SEC24D: variants seen among roughly 807,000 people sequenced by gnomAD.
SEC24D encodes SEC24 homolog D, COPII component, also known as protein transport protein Sec24D.
SEC24D carries 69 observed loss-of-function variants against 116.9 expected under a neutral mutation model. The observed-to-expected ratio is 0.59, with a 90% CI of 0.49 to 0.72. SEC24D has a LOEUF of 0.72. Among genes scored for constraint, SEC24D ranks in the 30% least tolerant of loss-of-function variants. SEC24D has a pLI of 0.00. For missense variants in SEC24D, 1,131 were observed against 1,264.1 expected (o/e 0.89, Z 1.60); for synonymous variants, 405 against 442.8 (o/e 0.91, Z 1.07).
chr4:118,806,523 T>G lies in SEC24D; in HGVS notation c.802-569A>C, dbSNP rs1729686775. On this transcript the variant is annotated intron_variant, in intron 6 of 22. Coordinates refer to ENST00000280551, the MANE Select transcript of SEC24D (RefSeq NM_014822.4). Reference sequence around the variant, plus strand: ...TTCATCTTTTTGTAGAGACAGGGTCTCCTCTCCCTATGTTGCCCAGGCTGG... The same window carrying G: ...TTCATCTTTTTGTAGAGACAGGGTCGCCTCTCCCTATGTTGCCCAGGCTGG... 2.6e-5 allele frequency among the ~76,000 whole-genome samples: 4 copies of G among 151,952 alleles called. No homozygotes were observed. The South Asian group carries it at 8.3e-4, about 32-fold the overall frequency.
In SEC24D at chr4:118,744,000, G is replaced by C; in HGVS notation, c.1983C>G (p.Tyr661Ter). 6.3e-7 allele frequency: 1 copy of C among 1,597,000 alleles called. No individual in the cohort carries two copies. Among genetic ancestry groups the C allele is most frequent in the African/African-American group, 1.3e-5 (1 of 74,100 alleles). Residue 661 changes from tyrosine to a stop codon, truncating the protein, a stop_gained, in exon 15 of 23, where the codon TAC becomes TAG. Transcript: ENST00000280551. LOFTEE classifies it high-confidence loss of function. ...TGCTGGCATTTACCTGGAAATTGTT[G>C]TATTTGTAAAGGGTTCCTCCAGTGA... ...PQLTGGTLYK[Y>*]NNFQMHLDRQ...
intron 10 of SEC24D, among the ~76,000 whole-genome samples, chr4:118,761,443 A>G (rs1727374209): frequency 6.6e-6 from 1 of 152,212 alleles, no homozygotes; most frequent in East Asian, 1.9e-4. Flanking sequence ...ACAATGCTGG[A>G]CCCAGGGGAA....
At chr4:118,814,888 A>C in intron 6 of SEC24D, 140 bp downstream of exon 6, 1 of 908,904 alleles carries the variant, frequency 1.1e-6, no homozygotes, top group Non-Finnish European at 1.7e-6. Context: ...CATATAAGGA[A>C]GGAAGCCTTC....
chr4:118,740,642 T>C, intron 17 of SEC24D, 21 bp downstream of exon 17: 1 of 1,611,780 alleles, frequency 6.2e-7, no homozygotes, highest in Non-Finnish European at 8.5e-7. Flanking sequence ...TAACGAAAGG[T>C]GGGAATACAC....
chr4:118,764,703 G>A (rs907885024), intron 10 of SEC24D, 99 bp downstream of exon 10: 2 of 686,122 alleles, frequency 2.9e-6, no homozygotes, highest in South Asian at 2.1e-5. Flanking sequence ...CCACCAAAAT[G>A]CTTTGTTTGT....
intron 10 of SEC24D, among the ~76,000 whole-genome samples, chr4:118,761,962 G>GT (rs1264596700): frequency 6.6e-6 from 1 of 152,124 alleles, no homozygotes; most frequent in Non-Finnish European, 1.5e-5. Flanking sequence ...TCTATACATT[G>GT]TAAGTACCTT....
At chr4:118,751,061 TAATTTA>T (rs1358135324) in intron 13 of SEC24D, among the ~76,000 whole-genome samples, 4 of 152,070 alleles carry the variant, frequency 2.6e-5, no homozygotes, top group Non-Finnish European at 5.9e-5. Context: ...TGTTAAAAGT[TAATTTA>T]AATTTAACTT....
intron 8 of SEC24D, among the ~76,000 whole-genome samples, chr4:118,772,302 C>T (rs1727938664): frequency 6.6e-6 from 1 of 152,078 alleles, no homozygotes; most frequent in South Asian, 2.1e-4. Context: ...CTGTATATAC[C>T]TTACCAGCAG....
At chr4:118,817,770 G>A (rs527498776) in intron 3 of SEC24D, among the ~76,000 whole-genome samples, 46 of 152,272 alleles carry the variant, frequency 3.0e-4, no homozygotes, top group Admixed American at 3.3e-4. Flanking sequence ...CAGGAGCAGC[G>A]GCTCATGCCT....
intron 8 of SEC24D, among the ~76,000 whole-genome samples, chr4:118,791,306 C>T (rs1279592225): frequency 6.6e-6 from 1 of 151,928 alleles, no homozygotes; most frequent in Non-Finnish European, 1.5e-5. Context: ...AATGTAAAAA[C>T]GAATGAATGA....
intron 2 of SEC24D, among the ~76,000 whole-genome samples, chr4:118,829,860 A>G (rs528329809): frequency 7.9e-4 from 120 of 152,338 alleles, no homozygotes; most frequent in Non-Finnish European, 1.5e-3. Flanking sequence ...CAAAAACACA[A>G]TGAATAAGCA....
chr4:118,799,567 A>G (rs1003113328), intron 7 of SEC24D, among the ~76,000 whole-genome samples: 2 of 152,228 alleles, frequency 1.3e-5, no homozygotes, highest in Non-Finnish European at 2.9e-5. Context: ...ATTATGGCCA[A>G]AGAAGAGAAG....
chr4:118,751,904 CTG>C, intron 13 of SEC24D, 90 bp downstream of exon 13: 2 of 895,194 alleles, frequency 2.2e-6, no homozygotes, highest in Non-Finnish European at 3.6e-6. Context: ...TTAATGAAGA[CTG>C]TCTTTTCTTT....
At chr4:118,736,572 G>A (rs1725970262) in intron 19 of SEC24D, 1 of 334,688 alleles carries the variant, frequency 3.0e-6, no homozygotes, top group Non-Finnish European at 5.8e-6. Context: ...CAAGTGAACT[G>A]TAGGAAAGTA....
rs541858322 is a variant in SEC24D, at chr4:118,826,675, TA to T, written c.119-1927del. On this transcript the variant is annotated intron_variant, in intron 2 of 22. Coordinates refer to ENST00000280551, the MANE Select transcript of SEC24D (RefSeq NM_014822.4). ...CAGCTCTCCAAAAATATTCCCCCTT[TA>T]AAAAAATAAGTAGGATAGCAGCAAT... Among the ~76,000 whole-genome samples, 49 of 151,170 alleles carry T rather than the reference TA, an allele frequency of 3.2e-4. No individual in the cohort carries two copies. In the South Asian group the frequency reaches 0.01, roughly 31 times the overall value.
chr4:118,723,435 C>G lies in SEC24D; in HGVS notation c.*80G>C. On this transcript the variant is annotated 3_prime_UTR_variant, in exon 23 of 23. Coordinates refer to ENST00000280551, the MANE Select transcript of SEC24D (RefSeq NM_014822.4). ...AAATGAGCAAGAAATCAAAACTAGC[C>G]TATTATCATCTAGAAAATTAGGCAC... 2.9e-6 allele frequency: 4 copies of G among 1,393,926 alleles called. No individual in the cohort carries two copies. The highest frequency in any genetic ancestry group is 1.4e-5 in the African/African-American group (1 of 68,966). 86.3% of individuals were successfully genotyped at this position (1,393,926 alleles called of 1,614,324 possible).
intron 10 of SEC24D, among the ~76,000 whole-genome samples, chr4:118,762,113 A>C (rs1727412888): frequency 6.6e-6 from 1 of 152,170 alleles, no homozygotes; most frequent in African/African-American, 2.4e-5. Context: ...AAAAAAAAAA[A>C]AGCTGACTTG....
chr4:118,754,398 C>T (rs1726980606), intron 11 of SEC24D, among the ~76,000 whole-genome samples: 1 of 152,110 alleles, frequency 6.6e-6, no homozygotes, highest in South Asian at 2.1e-4. Flanking sequence ...CAAATTCTTC[C>T]TCCTCTGTGA....
At chr4:118,762,834 C>T (rs916097028) in intron 10 of SEC24D, among the ~76,000 whole-genome samples, 2 of 152,160 alleles carry the variant, frequency 1.3e-5, no homozygotes, top group African/African-American at 2.4e-5. Context: ...ATCAATTAGA[C>T]TTCTGGAATA....
Sources: allele counts gnomAD v4.1 joint callset (sites outside exome capture counted in the v4.1 genomes callset), GRCh38; gene constraint gnomAD v4.1.1; transcripts MANE v1.5; gene names NCBI Gene and HGNC (gene_info 2026-07-23, HGNC 2026-07-21).